Variants in TMEM235 observed in about 807,000 individuals in gnomAD.
TMEM235 encodes the protein claudin-27.
In TMEM235, 23 loss-of-function variants were observed where a neutral mutation model predicts 22.9. The observed-to-expected ratio is 1.00, with a 90% confidence interval of 0.72 to 1.42. The LOEUF (loss-of-function observed/expected upper bound fraction) is 1.42. TMEM235 is among the 40% of genes most tolerant of loss of function. The pLI is 0.00. For synonymous variants in TMEM235, 137 were observed against 140.5 expected, an observed-to-expected ratio of 0.98 and a Z score of 0.17; for missense variants, 308 against 299.5, an observed-to-expected ratio of 1.03 and a Z score of -0.21.
intron 4 of TMEM235, among the ~76,000 whole-genome samples, chr17:78,236,817 G>A (rs2076649393): frequency 6.6e-6 from 1 of 152,246 alleles, no homozygotes; most frequent in Admixed American, 6.5e-5. Flanking sequence ...ACTGGGTGCA[G>A]AGATTGGGGA....
chr17:78,231,957 C>T, exon 2 of TMEM235: 1 of 1,073,870 alleles, frequency 9.3e-7, no homozygotes, highest in Non-Finnish European at 1.1e-6. Context: ...GCTCCCGGCT[C>T]CGCGCGCCCC....
At position 78,239,933 on chromosome 17, in the gene TMEM235, G is replaced by A. The variant is rs370495709; in HGVS notation, c.*141G>A. Reference sequence around the variant, plus strand: ...GGAGAAGAGGCTGATGAGAGGGCCCGAGAGCCCCTCCGATTTGCAGGGGTG... The same window carrying A: ...GGAGAAGAGGCTGATGAGAGGGCCCAAGAGCCCCTCCGATTTGCAGGGGTG... On this transcript the variant is annotated 3_prime_UTR_variant, in exon 6 of 6. Transcript: ENST00000421688. 2,492 of 1,550,478 alleles carry A rather than the reference G, an allele frequency of 1.6e-3. 7 individuals are homozygous for A. Among genetic ancestry groups the A allele is most frequent in the Middle Eastern group, 0.013 (75 of 5,966 alleles).
Position 78,231,611 on chromosome 17 carries a change from C to T in TMEM235, c.-413C>T, listed in dbSNP as rs2076579499. The T allele has an allele frequency of 7.7e-7, 1 of 1,303,504 alleles. No individual in the cohort carries two copies. The highest frequency in any genetic ancestry group is 1.0e-6 in the Non-Finnish European group (1 of 988,228). 80.7% of individuals were successfully genotyped at this position (1,303,504 alleles called of 1,614,324 possible). ...CATCCTCCTGGGGTCGGTCTCTGGC[C>T]GATCCTCCCTCCTCCTCTCAAGCCC... On this transcript the variant is annotated 5_prime_UTR_variant, in exon 2 of 6. Transcript: ENST00000421688.
At chr17:78,232,280 G>T in intron 2 of TMEM235, 67 bp downstream of exon 1, 3 of 1,341,670 alleles carry the variant, frequency 2.2e-6, no homozygotes, top group Admixed American at 3.5e-5. Flanking sequence ...CCTTAACCCC[G>T]CCCTGCTCGT....
chr17:78,231,649 C>A, exon 2 of TMEM235: 1 of 1,299,678 alleles, frequency 7.7e-7, no homozygotes. Context: ...CACAGCCCGG[C>A]CAGGCAGGTG....
chr17:78,239,305 C>T (rs770130132), intron 5 of TMEM235, 32 bp downstream of exon 4: 10 of 1,526,578 alleles, frequency 6.6e-6, no homozygotes, highest in African/African-American at 2.7e-5. Context: ...CTTTGCACCT[C>T]CCGGGATTGG....
rs986983898 is a variant in TMEM235 at position 78,238,093 on chromosome 17, C to A, written c.410-931C>A. Among the ~76,000 whole-genome samples, 1 of 152,212 alleles carries A rather than the reference C, an allele frequency of 6.6e-6. No homozygotes were observed. The highest frequency in any genetic ancestry group is 1.5e-5 in the Non-Finnish European group (1 of 68,026). On this transcript the variant is annotated intron_variant, in intron 4 of 5. Coordinates refer to ENST00000421688, the Ensembl canonical transcript of TMEM235. The surrounding 1 kb of genome is among the most constrained non-coding windows in gnomAD (Gnocchi z 4.3). ...CCCCCTGGCTAACATTCCCTACAGT[C>A]GGCGCCAAGGACAGGCTTTCTCATC...
rs1036855855 is a variant in TMEM235 at position 78,237,844 on chromosome 17, T to C, written c.410-1180T>C. Among the ~76,000 whole-genome samples the C allele has an allele frequency of 1.3e-4, 20 of 152,144 alleles. No individual in the cohort carries two copies. Among genetic ancestry groups the C allele is most frequent in the African/African-American group, 4.8e-4 (20 of 41,438 alleles). ...TGTCCTCCCTCCCTCAGCCTCCCCA[T>C]GCCTTCTTCTCCCCACTCTCTGTCC... On this transcript the variant is annotated intron_variant, in intron 4 of 5. Transcript: ENST00000421688. This position sits in a 1 kb window ranked among gnomAD's most constrained non-coding sequence, Gnocchi z 4.7.
rs118001366 is a variant in TMEM235 at position 78,235,479 on chromosome 17, G to T, written c.409+749G>T. Among the ~76,000 whole-genome samples the T allele has an allele frequency of 0.013, 2,017 of 151,932 alleles. 87 individuals carry two copies. In the East Asian group the frequency reaches 0.15, roughly 11 times the overall value. On this transcript the variant is annotated intron_variant, in intron 4 of 5. Transcript: ENST00000421688. ...ATTTTGTATTTTTGGTAGAGACGGG[G>T]TCTCTCCATGCTGGTGAGGCTGGTC...
At chr17:78,240,284 G>A in exon 6 of TMEM235, 1 of 279,788 alleles carries the variant, frequency 3.6e-6, no homozygotes, top group Non-Finnish European at 7.0e-6. Context: ...GGCTGAGGGT[G>A]CTTCTTGACC....
intron 2 of TMEM235, among the ~76,000 whole-genome samples, chr17:78,232,988 AGT>A (rs938038867): frequency 2.6e-5 from 4 of 152,152 alleles, no homozygotes; most frequent in South Asian, 2.1e-4. Flanking sequence ...TGCATGTGAG[AGT>A]GTGTGGGCAT....
rs1186880184 is a variant in TMEM235 at position 78,237,866 on chromosome 17, G to A, written c.410-1158G>A. On this transcript the variant is annotated intron_variant, in intron 4 of 5. Coordinates refer to ENST00000421688, the Ensembl canonical transcript of TMEM235. The surrounding 1 kb of genome is among the most constrained non-coding windows in gnomAD (Gnocchi z 4.7). ...CCATGCCTTCTTCTCCCCACTCTCT[G>A]TCCCACTCTTCTTCCCAAGTTTGGT... 6.6e-6 allele frequency among the ~76,000 whole-genome samples: 1 copy of A among 152,110 alleles called. No homozygotes were observed. The highest frequency in any genetic ancestry group is 2.4e-5 in the African/African-American group (1 of 41,418).
intron 3 of TMEM235, 170 bp from the exon 3 acceptor site, chr17:78,234,423 G>T: frequency 9.8e-7 from 1 of 1,016,052 alleles, no homozygotes; most frequent in Non-Finnish European, 1.5e-6. Flanking sequence ...GCCTTAGGAA[G>T]CCCCTGCCAG....
intron 5 of TMEM235, 50 bp from the exon 5 acceptor site, chr17:78,239,730 C>T (rs1165950277): frequency 1.3e-6 from 2 of 1,509,730 alleles, no homozygotes; most frequent in Admixed American, 2.1e-5. Context: ...ATGCTCCTCT[C>T]CAGCCCCGCA....
intron 4 of TMEM235, 87 bp downstream of exon 3, chr17:78,234,817 C>G (rs752719838): frequency 2.0e-6 from 3 of 1,493,436 alleles, no homozygotes; most frequent in Non-Finnish European, 1.8e-6. Context: ...TCCTGTTGCC[C>G]TCGTCCCCTG....
In TMEM235 at chr17:78,237,706, C is replaced by A. The variant is rs2093610848; in HGVS notation, c.410-1318C>A. On this transcript the variant is annotated intron_variant, in intron 4 of 5. Transcript: ENST00000421688. This position sits in a 1 kb window ranked among gnomAD's most constrained non-coding sequence, Gnocchi z 4.7. ...GTCAGCCCCCGCTGCTGGGGGCTGACCCCCACCCCTGCTTCTCCCAGGGAC... is the reference window on the plus strand; with the variant it reads ...GTCAGCCCCCGCTGCTGGGGGCTGAACCCCACCCCTGCTTCTCCCAGGGAC... 1.3e-5 allele frequency among the ~76,000 whole-genome samples: 2 copies of A among 151,996 alleles called. No individual in the cohort carries two copies.
intron 5 of TMEM235, 104 bp downstream of exon 4, chr17:78,239,377 C>A: frequency 7.3e-7 from 1 of 1,364,684 alleles, no homozygotes; most frequent in Non-Finnish European, 9.7e-7. Context: ...CGCTGGGGTC[C>A]TGGCCAGGAA....
intron 4 of TMEM235, 124 bp downstream of exon 3, chr17:78,234,854 G>A (rs112428936): frequency 1.5e-6 from 2 of 1,297,580 alleles, no homozygotes; most frequent in African/African-American, 1.5e-5. Flanking sequence ...TGCTGAGTCT[G>A]GCGATGGAGC....
chr17:78,234,726 G>A, exon 4 of TMEM235: 1 of 1,536,154 alleles, frequency 6.5e-7, no homozygotes, highest in African/African-American at 1.4e-5. Flanking sequence ...ACTTCCTGCT[G>A]GGGAGTGAGT....
Sources: allele counts gnomAD v4.1 joint callset (sites outside exome capture counted in the v4.1 genomes callset), GRCh38; gene constraint gnomAD v4.1.1; non-coding constraint Gnocchi (gnomAD v3.1); transcripts MANE v1.5; gene names NCBI Gene and HGNC (gene_info 2026-07-23, HGNC 2026-07-21).